Variants in CSGALNACT1 observed in about 807,000 individuals in gnomAD.
CSGALNACT1 encodes the protein beta4GalNAcT-1.
CSGALNACT1 carries 52 observed loss-of-function variants against 51.0 expected under a neutral mutation model. That is an observed-to-expected ratio of 1.02 (90% confidence interval 0.82 to 1.29). The LOEUF (loss-of-function observed/expected upper bound fraction) is 1.29. CSGALNACT1 is among the 50% of genes most tolerant of loss of function. The pLI, the probability that CSGALNACT1 is intolerant of heterozygous loss-of-function variation, is 0.00. For synonymous variants in CSGALNACT1, 341 were observed against 254.4 expected (o/e 1.34, Z -3.24); for missense variants, 935 against 679.2 (o/e 1.38, Z -4.19).
At chr8:19,534,962 C>A (rs2083459112) in intron 3 of CSGALNACT1, among the ~76,000 whole-genome samples, 1 of 151,988 alleles carries the variant, frequency 6.6e-6, no homozygotes, top group Admixed American at 6.6e-5. Flanking sequence ...TGACCACTGC[C>A]GAAATATATG....
intron 1 of CSGALNACT1, among the ~76,000 whole-genome samples, chr8:19,675,356 G>C (rs1329359355): frequency 1.3e-5 from 2 of 152,114 alleles, no homozygotes; most frequent in Non-Finnish European, 2.9e-5. Context: ...CCCCAAGGGT[G>C]GGCACCAGTC....
intron 5 of CSGALNACT1, among the ~76,000 whole-genome samples, chr8:19,450,308 T>TAGG (rs534588020): frequency 0.016 from 1,627 of 103,238 alleles, 17 homozygotes; most frequent in Non-Finnish European, 0.024. Flanking sequence ...GGAGGAGGAA[T>TAGG]AGGAGGAGGA....
chr8:19,560,944 C>G (rs1031113375), intron 3 of CSGALNACT1, among the ~76,000 whole-genome samples: 3 of 152,198 alleles, frequency 2.0e-5, no homozygotes, highest in African/African-American at 4.8e-5. Flanking sequence ...AAATACTTCA[C>G]TATACAGCAG....
chr8:19,535,141 C>T (rs1057458052), intron 3 of CSGALNACT1, among the ~76,000 whole-genome samples: 2 of 152,120 alleles, frequency 1.3e-5, no homozygotes, highest in African/African-American at 4.8e-5. Context: ...ACATTTTAAA[C>T]CTATTTCCAA....
At chr8:19,497,398 A>G (rs1365830270) in intron 4 of CSGALNACT1, among the ~76,000 whole-genome samples, 2 of 152,156 alleles carry the variant, frequency 1.3e-5, no homozygotes, top group Non-Finnish European at 2.9e-5. Context: ...AGTCTGTGGT[A>G]ACTACAGCAA....
At chr8:19,484,962 G>T (rs1470229400) in intron 4 of CSGALNACT1, among the ~76,000 whole-genome samples, 1 of 152,048 alleles carries the variant, frequency 6.6e-6, no homozygotes, top group East Asian at 1.9e-4. Flanking sequence ...GCAAGCCAAG[G>T]AGAGAGCCCT....
chr8:19,706,317 T>A (rs1267637641), intron 1 of CSGALNACT1, among the ~76,000 whole-genome samples: 1 of 152,220 alleles, frequency 6.6e-6, no homozygotes, highest in Non-Finnish European at 1.5e-5. Context: ...GCTCAATCTG[T>A]ATCTGTATTG....
intron 2 of CSGALNACT1, among the ~76,000 whole-genome samples, chr8:19,594,472 A>G (rs2048470341): frequency 6.6e-6 from 1 of 152,196 alleles, no homozygotes; most frequent in African/African-American, 2.4e-5. Flanking sequence ...CCTCAAAGGA[A>G]GAAAAGTTAG....
chr8:19,756,933 G>T (rs1448664041), intron 1 of CSGALNACT1, among the ~76,000 whole-genome samples: 1 of 151,266 alleles, frequency 6.6e-6, no homozygotes, highest in East Asian at 1.9e-4. Flanking sequence ...GTCCCCGCGC[G>T]CCCACCTGGA....
chr8:19,659,936 C>G lies in CSGALNACT1; in HGVS notation c.-544+22537G>C, dbSNP rs372978380. 3.0e-4 allele frequency among the ~76,000 whole-genome samples: 45 copies of G among 152,318 alleles called. 1 individual carries two copies. Among genetic ancestry groups the G allele is most frequent in the South Asian group, 1.2e-3 (6 of 4,824 alleles). On this transcript the variant is annotated intron_variant, in intron 1 of 9. Coordinates refer to the CSGALNACT1 transcript ENST00000332246. ...GGCAAAAATACTGCCTCACATTTAC[C>G]GAATACTTATTATATGCTAGACTCT...
chr8:19,406,623 TAA>T (rs33985548), intron 9 of CSGALNACT1, among the ~76,000 whole-genome samples: 16,332 of 71,696 alleles, frequency 0.23, 1,312 homozygotes, highest in East Asian at 0.32. Context: ...AGAGGTTTCG[TAA>T]AAAAAAAAAA....
chr8:19,652,001 G>A (rs551071602), intron 1 of CSGALNACT1, among the ~76,000 whole-genome samples: 24 of 151,494 alleles, frequency 1.6e-4, no homozygotes, highest in African/African-American at 5.8e-4. Context: ...CGTGATCTCC[G>A]CTCACTGCAA....
chr8:19,692,052 AAG>A (rs2061353804), intron 1 of CSGALNACT1, among the ~76,000 whole-genome samples: 3 of 97,584 alleles, frequency 3.1e-5, no homozygotes, highest in Admixed American at 9.9e-5. Context: ...GCAGAAGAGA[AAG>A]AGCAAGCAAG....
At chr8:19,666,815 G>GAAAGAA (rs1225845055) in intron 1 of CSGALNACT1, among the ~76,000 whole-genome samples, 1 of 31,342 alleles carries the variant, frequency 3.2e-5, no homozygotes, top group Non-Finnish European at 6.2e-5. Flanking sequence ...AAGAAAGAGA[G>GAAAGAA]AGAGAGAGAG....
chr8:19,675,964 C>G (rs1022613051), intron 1 of CSGALNACT1, among the ~76,000 whole-genome samples: 2 of 151,746 alleles, frequency 1.3e-5, no homozygotes, highest in Non-Finnish European at 2.9e-5. Flanking sequence ...CAGGACAGAC[C>G]CAAAGTGGAA....
upstream of CSGALNACT1, among the ~76,000 whole-genome samples, chr8:19,685,341 T>C (rs1269549103): frequency 1.3e-5 from 2 of 152,060 alleles, no homozygotes; most frequent in Non-Finnish European, 2.9e-5. Context: ...AAACCCTGTC[T>C]CTACAAAAAT....
At chr8:19,650,665 G>A (rs2057722413) in intron 1 of CSGALNACT1, among the ~76,000 whole-genome samples, 1 of 152,198 alleles carries the variant, frequency 6.6e-6, no homozygotes, top group African/African-American at 2.4e-5. Context: ...CAGGAGACCA[G>A]CCATAGCAGA....
chr8:19,529,366 C>A (rs533021206), intron 3 of CSGALNACT1, among the ~76,000 whole-genome samples: 11 of 152,264 alleles, frequency 7.2e-5, no homozygotes, highest in African/African-American at 2.6e-4. Context: ...CTGACCAGAC[C>A]TGTGGGCCTT....
At chr8:19,507,528 G>GAAAAAAAAAAAAAAAA (rs35759799) in intron 3 of CSGALNACT1, among the ~76,000 whole-genome samples, 2 of 74,890 alleles carry the variant, frequency 2.7e-5, no homozygotes, top group African/African-American at 1.1e-4. Context: ...ATCTTAGCCA[G>GAAAAAAAAAAAAAAAA]AAAAAAAAAA....
Sources: allele counts gnomAD v4.1 joint callset (sites outside exome capture counted in the v4.1 genomes callset), GRCh38; gene constraint gnomAD v4.1.1; transcripts MANE v1.5; gene names NCBI Gene and HGNC (gene_info 2026-07-23, HGNC 2026-07-21).